GRIK5: variants seen among roughly 807,000 people sequenced by gnomAD.
GRIK5 encodes the protein glutamate ionotropic receptor kainate type subunit 5.
Under a neutral mutation model 97.4 loss-of-function variants are expected in GRIK5, and 43 were observed. The observed-to-expected ratio is 0.44, with a 90% CI of 0.35 to 0.57. The LOEUF (loss-of-function observed/expected upper bound fraction) is 0.57. Ranked by LOEUF, GRIK5 falls within the 20% of genes least tolerant of loss-of-function variation. The probability of loss-of-function intolerance (pLI) is 0.01; values close to 1 mark genes in which losing one functional copy is unlikely to be tolerated. For synonymous variants in GRIK5, 580 were observed against 583.5 expected (o/e 0.99, Z 0.09); for missense variants, 1,015 against 1,382.0 (o/e 0.73, Z 4.21).
chr19:42,036,356 C>T (rs536283222), intron 12 of GRIK5, among the ~76,000 whole-genome samples: 13 of 146,406 alleles, frequency 8.9e-5, no homozygotes, highest in Non-Finnish European at 1.5e-4. Flanking sequence ...GCCACTGTGC[C>T]CAGCCTATTT....
chr19:42,028,369 T>C (rs2075797299), intron 12 of GRIK5, among the ~76,000 whole-genome samples: 1 of 152,176 alleles, frequency 6.6e-6, no homozygotes, highest in Non-Finnish European at 1.5e-5. Flanking sequence ...GTGTAAACCA[T>C]ATTCCTGCTT....
At chr19:42,049,619 G>T (rs1328283172) in intron 11 of GRIK5, among the ~76,000 whole-genome samples, 1 of 152,150 alleles carries the variant, frequency 6.6e-6, no homozygotes, top group African/African-American at 2.4e-5. Context: ...AGCCTTGGAG[G>T]GTTAGTGATT....
chr19:42,001,577 C>T lies in GRIK5; in HGVS notation c.2514+1755G>A, dbSNP rs191421155. 2.6e-5 allele frequency among the ~76,000 whole-genome samples: 4 copies of T among 152,302 alleles called. No individual in the cohort carries two copies. The East Asian group carries it at 5.8e-4, about 22-fold the overall frequency. On this transcript the variant is annotated intron_variant, in intron 19 of 19. Transcript: ENST00000593562. ...GGTCTCCATGTTGTCACTTGGCCACCTCCAGAAACTAAAATCCCATGGGGA... is the reference window on the plus strand; with the variant it reads ...GGTCTCCATGTTGTCACTTGGCCACTTCCAGAAACTAAAATCCCATGGGGA...
Position 42,022,500 on chromosome 19 carries a change from T to C in GRIK5, c.1474-146A>G. On this transcript the variant is annotated intron_variant, in intron 12 of 19. Coordinates refer to ENST00000593562, the MANE Select transcript of GRIK5 (RefSeq NM_002088.5). This position sits in a 1 kb window ranked among gnomAD's most constrained non-coding sequence, Gnocchi z 4.2. ...AGGGGGAGGGGCCAGGAGCATGGACTGACTCCAGGAGCCCACCTTGGGCCT... is the reference window on the plus strand; with the variant it reads ...AGGGGGAGGGGCCAGGAGCATGGACCGACTCCAGGAGCCCACCTTGGGCCT... 6.8e-7 allele frequency: 1 copy of C among 1,461,418 alleles called. No individual in the cohort carries two copies. The allele number at this position is 1,461,418 out of a possible 1,614,324, so 90.5% of individuals were successfully genotyped here.
rs980636398 is a variant in GRIK5 at position 42,069,985 on chromosome 19, C to T, written c.-795G>A. Among the ~76,000 whole-genome samples the T allele has an allele frequency of 9.8e-4, 149 of 151,732 alleles. No homozygotes were observed. Among genetic ancestry groups the T allele is most frequent in the Non-Finnish European group, 2.7e-4 (18 of 67,838 alleles). ...GAGAGGAGCAGGTGGAAGAGAAAGGCGGAGGAGGGTGGGGTGTCCCAGGGG... is the reference window on the plus strand; with the variant it reads ...GAGAGGAGCAGGTGGAAGAGAAAGGTGGAGGAGGGTGGGGTGTCCCAGGGG... On this transcript the variant is annotated 5_prime_UTR_variant, in exon 1 of 20. Transcript: ENST00000593562.
chr19:42,063,867 T>C (rs932943696), intron 3 of GRIK5, among the ~76,000 whole-genome samples: 1 of 152,180 alleles, frequency 6.6e-6, no homozygotes, highest in Non-Finnish European at 1.5e-5. Context: ...TTCTCTTTTT[T>C]CCTTAAACCA....
Position 42,062,572 on chromosome 19 carries a change from T to C in GRIK5, c.424A>G (p.Asn142Asp), listed in dbSNP as rs1238354706. 2 of 1,614,054 alleles carry C rather than the reference T, an allele frequency of 1.2e-6. No individual in the cohort carries two copies. Among genetic ancestry groups the C allele is most frequent in the Non-Finnish European group, 8.5e-7 (1 of 1,180,026 alleles). The change falls in exon 5 of 20, where the codon AAC becomes GAC. Residue 142 changes from asparagine to aspartate, a missense_variant. Around this residue, in one of 5 missense-constraint regions of GRIK5, gnomAD observed 198 missense variants for 218.2 expected, o/e 0.91. Transcript: ENST00000593562. The surrounding 1 kb of genome is among the most constrained non-coding windows in gnomAD (Gnocchi z 5.3). Reference protein sequence around the residue: ...RFASVSLYPSNEDVSLAVSRI... With the variant: ...RFASVSLYPSDEDVSLAVSRI... ...GAGACCGCCAAGCTGACGTCCTCGT[T>C]ACTGGGGTACAGGCTGACAGACGCG...
At chr19:42,068,698 A>C (rs1470684365) in intron 1 of GRIK5, 3 of 466,764 alleles carry the variant, frequency 6.4e-6, no homozygotes, top group Admixed American at 4.0e-5. Flanking sequence ...AGAGAGAGGG[A>C]TCTAAACAGA....
chr19:42,068,101 T>C (rs984780217), intron 1 of GRIK5, among the ~76,000 whole-genome samples: 2 of 151,448 alleles, frequency 1.3e-5, no homozygotes. Context: ...AGAGAGACAG[T>C]ATGTCGGAGC....
At position 42,065,731 on chromosome 19, in the gene GRIK5, C is replaced by T. The variant is rs551453238; in HGVS notation, c.40G>A (p.Ala14Thr). The T allele has an allele frequency of 5.4e-5, 86 of 1,597,114 alleles. No individual in the cohort carries two copies. Among genetic ancestry groups the T allele is most frequent in the Non-Finnish European group, 6.9e-5 (81 of 1,173,644 alleles). ...GAGAGCACCTGGCAGCTGGGGCTGG[C>T]GAAGGCAACAATCAGCAGCAGCAGC... The part of the protein sequence containing the change: ...ELLLLLIVAF[A>T]SPSCQVLSSL... The change falls in exon 2 of 20, where the codon GCC (alanine) becomes ACC (threonine). Residue 14 changes from alanine (A) to threonine (T), a missense_variant. Coordinates refer to ENST00000593562, the MANE Select transcript of GRIK5 (RefSeq NM_002088.5). This position sits in a 1 kb window ranked among gnomAD's most constrained non-coding sequence, Gnocchi z 5.8.
chr19:42,012,844 G>A lies in GRIK5; in HGVS notation c.1872-6034C>T, dbSNP rs112765272. 2.1e-4 allele frequency among the ~76,000 whole-genome samples: 32 copies of A among 150,832 alleles called. 1 individual carries two copies. The highest frequency in any genetic ancestry group is 7.6e-4 in the African/African-American group (31 of 40,980). ...ATTGTACCACTGTACTCCAGCCTGGGCAACAGAGTGAGATATTGCCTCAAA... is the reference window on the plus strand; with the variant it reads ...ATTGTACCACTGTACTCCAGCCTGGACAACAGAGTGAGATATTGCCTCAAA... On this transcript the variant is annotated intron_variant, in intron 15 of 19. Transcript: ENST00000593562.
chr19:42,029,227 C>G (rs1297876932), intron 12 of GRIK5, among the ~76,000 whole-genome samples: 2 of 152,020 alleles, frequency 1.3e-5, no homozygotes, highest in East Asian at 3.9e-4. Context: ...GCCACCATGC[C>G]CAGCTAATTT....
At chr19:42,027,490 C>T (rs1167850163) in intron 12 of GRIK5, among the ~76,000 whole-genome samples, 7 of 152,156 alleles carry the variant, frequency 4.6e-5, no homozygotes, top group Non-Finnish European at 7.3e-5. Flanking sequence ...CAGGGCCTTG[C>T]GGGCCACAGT....
chr19:42,060,219 A>C (rs892852415), intron 5 of GRIK5, among the ~76,000 whole-genome samples: 2 of 151,874 alleles, frequency 1.3e-5, no homozygotes, highest in Non-Finnish European at 2.9e-5. Context: ...CAGCCTGGCC[A>C]ATATAGTGAG....
In GRIK5 at chr19:42,002,550, G is replaced by A. The variant is rs975123081; in HGVS notation, c.2514+782C>T. ...CAGCTGGATGCAGAGCTGGGGTCTG[G>A]GGAGTAGATGTAAGGTCAGCCGCTG... is the stretch of plus-strand genomic sequence containing the variant. On this transcript the variant is annotated intron_variant, in intron 19 of 19. Transcript: ENST00000593562. This position sits in a 1 kb window ranked among gnomAD's most constrained non-coding sequence, Gnocchi z 5.2. 2 of 681,082 alleles carry A rather than the reference G, an allele frequency of 2.9e-6. No homozygotes were observed. Among genetic ancestry groups the A allele is most frequent in the Non-Finnish European group, 5.5e-6 (2 of 366,114 alleles). The allele number at this position is 681,082 out of a possible 1,614,324, so 42.2% of individuals were successfully genotyped here.
intron 12 of GRIK5, among the ~76,000 whole-genome samples, chr19:42,036,913 CCT>C (rs769512266): frequency 2.0e-5 from 3 of 152,164 alleles, no homozygotes; most frequent in Non-Finnish European, 4.4e-5. Flanking sequence ...CTGTGATACC[CCT>C]CCAAGTTAGG....
Position 42,044,038 on chromosome 19 carries a change from CA to C in GRIK5, c.1270-1284del, listed in dbSNP as rs747664229. ...AGAGACCAGGTGGAGGTAACTGAAT[CA>C]GGGGGGCGGTTTCCCCCATGCTCTT... is the stretch of plus-strand genomic sequence containing the variant. On this transcript the variant is annotated intron_variant, in intron 11 of 19. Coordinates refer to ENST00000593562, the MANE Select transcript of GRIK5 (RefSeq NM_002088.5). Among the ~76,000 whole-genome samples the C allele has an allele frequency of 4.6e-4, 70 of 152,340 alleles. 1 individual carries two copies. Among genetic ancestry groups the C allele is most frequent in the Non-Finnish European group, 7.3e-4 (50 of 68,036 alleles).
At chr19:42,001,981 C>T in intron 19 of GRIK5, 1 of 609,236 alleles carries the variant, frequency 1.6e-6, no homozygotes, top group East Asian at 2.7e-5. Context: ...GAAAGAGAAA[C>T]CCAACGAGGG....
chr19:42,067,794 A>G (rs924331277), intron 1 of GRIK5, among the ~76,000 whole-genome samples: 1 of 152,302 alleles, frequency 6.6e-6, no homozygotes, highest in African/African-American at 2.4e-5. Context: ...CAAGAGACAG[A>G]CACAGCCTAG....
Sources: gnomAD v4.1 joint callset for allele counts (sites outside exome capture counted in the v4.1 genomes callset) on GRCh38, gnomAD v4.1.1 for gene constraint, gnomAD v4.1.1 regional missense constraint, Gnocchi (gnomAD v3.1) non-coding constraint, MANE v1.5 for transcripts, NCBI Gene and HGNC (gene_info 2026-07-23, HGNC 2026-07-21) for gene names.